Variants in MTR observed in about 807,000 individuals in gnomAD.
MTR encodes methionine synthase.
A neutral mutation model predicts 154.8 loss-of-function variants in MTR; 84 were observed. That is an observed-to-expected ratio of 0.54 (90% CI 0.45 to 0.65). The LOEUF (loss-of-function observed/expected upper bound fraction) is 0.65, where lower values mean the gene tolerates loss of function less well. MTR is among the 30% of genes least tolerant of loss of function. The pLI is 0.00. For synonymous variants in MTR, 554 were observed against 553.9 expected (o/e 1.00, Z 0.00); for missense variants, 1,275 against 1,570.2 (o/e 0.81, Z 3.18).
At chr1:236,861,927 A>G (rs1648492530) in intron 20 of MTR, among the ~76,000 whole-genome samples, 1 of 152,198 alleles carries the variant, frequency 6.6e-6, no homozygotes, top group African/African-American at 2.4e-5. Flanking sequence ...GTCCTGAAGG[A>G]TACATAGAAC....
intron 1 of MTR, among the ~76,000 whole-genome samples, chr1:236,796,221 C>T (rs941198249): frequency 9.9e-5 from 15 of 152,220 alleles, no homozygotes; most frequent in African/African-American, 2.9e-4. Flanking sequence ...ACGCACGCTG[C>T]TGCAAAACTG....
At chr1:236,881,159 TA>T (rs1665711999) in intron 25 of MTR, among the ~76,000 whole-genome samples, 1 of 152,162 alleles carries the variant, frequency 6.6e-6, no homozygotes, top group African/African-American at 2.4e-5. Flanking sequence ...CTTGACTGTC[TA>T]AAAGGAATGT....
Position 236,806,206 on chromosome 1 carries a change from C to A in MTR, c.312C>A (p.Ala104=). The A allele has an allele frequency of 2.5e-6, 4 of 1,614,034 alleles. No homozygotes were observed. The highest frequency in any genetic ancestry group is 3.4e-6 in the Non-Finnish European group (4 of 1,179,942). ...ATACTTTTAGCAGCACTAGTATTGC[C>A]CAAGCTGACTATGGCCTTGAACACT... The part of the protein sequence containing the change: ...ETNTFSSTSI[A]QADYGLEHLA... The change falls in exon 3 of 33, where the codon GCC becomes GCA. Residue 104 remains alanine (A), a synonymous_variant. Transcript: ENST00000366577.
In MTR at chr1:236,816,553, C is replaced by T. The variant is rs1661603349; in HGVS notation, c.764+10C>T. On this transcript the variant is annotated intron_variant, in intron 8 of 32. Transcript: ENST00000366577. ...ATGGAGAACCACTCTGGTGAGTGAT[C>T]CATCTTTCTGTAACTTCTTTTCTTT... 1 of 1,609,824 alleles carries T rather than the reference C, an allele frequency of 6.2e-7. No individual in the cohort carries two copies. The highest frequency in any genetic ancestry group is 1.7e-5 in the Admixed American group (1 of 59,978).
Position 236,894,741 on chromosome 1 carries a change from T to A in MTR, c.3405+184T>A. On this transcript the variant is annotated intron_variant, in intron 30 of 32. Coordinates refer to ENST00000366577, the MANE Select transcript of MTR (RefSeq NM_000254.3). ...ATATTATGTATCCCCAGATTGCTTG[T>A]GTACATTATCTTTGAGGCAAAGAAA... The A allele has an allele frequency of 4.7e-6, 3 of 643,278 alleles. No homozygotes were observed. In the African/African-American group the frequency reaches 5.5e-5, roughly 12 times the overall value. 39.8% of individuals were successfully genotyped at this position (643,278 alleles called of 1,614,324 possible).
intron 6 of MTR, among the ~76,000 whole-genome samples, chr1:236,813,717 C>G (rs1661437105): frequency 2.0e-5 from 3 of 151,984 alleles, no homozygotes; most frequent in Admixed American, 2.0e-4. Context: ...TGGACTTTGG[C>G]TTTTTAAAAT....
intron 15 of MTR, among the ~76,000 whole-genome samples, chr1:236,848,656 G>A (rs1663726510): frequency 6.6e-6 from 1 of 152,072 alleles, no homozygotes; most frequent in Non-Finnish European, 1.5e-5. Context: ...CTAAAGCCTG[G>A]GTGCAGTGAG....
chr1:236,841,785 C>T (rs1287222269), intron 15 of MTR, among the ~76,000 whole-genome samples: 1 of 152,106 alleles, frequency 6.6e-6, no homozygotes, highest in Non-Finnish European at 1.5e-5. Context: ...TTGGCAGTTG[C>T]ATGGGCATAG....
Position 236,886,387 on chromosome 1 carries a change from A to G in MTR, c.2851+20A>G. 6.2e-7 allele frequency: 1 copy of G among 1,610,968 alleles called. No homozygotes were observed. Among genetic ancestry groups the G allele is most frequent in the Non-Finnish European group, 8.5e-7 (1 of 1,177,134 alleles). ...ACCCAGGTCTGTTTGGCTATGGACT[A>G]GAGAAAGACTGGGTGTGGTAACTGA... On this transcript the variant is annotated intron_variant, in intron 27 of 32. Coordinates refer to ENST00000366577, the MANE Select transcript of MTR (RefSeq NM_000254.3).
In MTR at chr1:236,900,534, G is replaced by A. The variant is rs1666873806; in HGVS notation, c.*2890G>A. Reference sequence around the variant, plus strand: ...TATGCAGCTGTTCTGGTTCCTCCTGGTAGGCTTACAAGTGTTTACTATATG... The same window carrying A: ...TATGCAGCTGTTCTGGTTCCTCCTGATAGGCTTACAAGTGTTTACTATATG... On this transcript the variant is annotated 3_prime_UTR_variant, in exon 33 of 33. Transcript: ENST00000366577. 1 of 153,356 alleles carries A rather than the reference G, an allele frequency of 6.5e-6. No individual in the cohort carries two copies. Among genetic ancestry groups the A allele is most frequent in the Admixed American group, 6.5e-5 (1 of 15,450 alleles). The allele number at this position is 153,356 out of a possible 1,614,324, so 9.5% of individuals were successfully genotyped here.
At chr1:236,827,190 A>G (rs1572221403) in intron 11 of MTR, among the ~76,000 whole-genome samples, 1 of 152,192 alleles carries the variant, frequency 6.6e-6, no homozygotes, top group Admixed American at 6.5e-5. Context: ...ACAGGGAAGA[A>G]TAGCTATCTA....
intron 14 of MTR, among the ~76,000 whole-genome samples, chr1:236,836,887 T>A (rs1402591234): frequency 6.6e-6 from 1 of 152,170 alleles, no homozygotes; most frequent in Non-Finnish European, 1.5e-5. Flanking sequence ...ATCAAGTCAA[T>A]GGACTATTGA....
At chr1:236,866,081 A>T (rs1333617213) in intron 22 of MTR, among the ~76,000 whole-genome samples, 1 of 152,178 alleles carries the variant, frequency 6.6e-6, no homozygotes, top group Non-Finnish European at 1.5e-5. Context: ...ATAATGTCTA[A>T]TATTGACACA....
chr1:236,799,755 A>G (rs1459540555), intron 1 of MTR, among the ~76,000 whole-genome samples: 1 of 151,644 alleles, frequency 6.6e-6, no homozygotes. Context: ...TTCGTTTAAC[A>G]GAAATCCTTG....
chr1:236,810,511 A>AGGTTTGTG lies in MTR; in HGVS notation c.420_427dup (p.Ala143GlyfsTer119). The stretch of plus-strand genomic sequence containing the variant: ...TTTTTCTTTTCCCAAAGGAATTAAG[A>AGGTTTGTG]GGTTTGTGGCAGGGGCTCTGGGTCC... On this transcript the variant is annotated frameshift_variant, in exon 5 of 33. Coordinates refer to ENST00000366577, the MANE Select transcript of MTR (RefSeq NM_000254.3). LOFTEE classifies it high-confidence loss of function. 6.2e-7 allele frequency: 1 copy of AGGTTTGTG among 1,613,580 alleles called. No homozygotes were observed. Among genetic ancestry groups the AGGTTTGTG allele is most frequent in the Non-Finnish European group, 8.5e-7 (1 of 1,179,568 alleles).
chr1:236,854,687 G>A (rs946432639), intron 18 of MTR, among the ~76,000 whole-genome samples: 11 of 152,192 alleles, frequency 7.2e-5, no homozygotes, highest in South Asian at 6.2e-4. Flanking sequence ...TCTATCCAGA[G>A]GAGGCAGCCC....
At chr1:236,897,310 G>GCGCGCACGCACACA in intron 32 of MTR, among the ~76,000 whole-genome samples, 192 bp downstream of exon 32, 2 of 128,612 alleles carry the variant, frequency 1.6e-5, no homozygotes, top group Non-Finnish European at 3.4e-5. Context: ...CCACACACAC[G>GCGCGCACGCACACA]CACACACACA....
At position 236,795,336 on chromosome 1, in the gene MTR, A is replaced by G; in HGVS notation, c.-368A>G. On this transcript the variant is annotated 5_prime_UTR_variant, in exon 1 of 33. Coordinates refer to ENST00000366577, the MANE Select transcript of MTR (RefSeq NM_000254.3). ...AAGGTTCTAAATGTCTGCGGGGCTC[A>G]GAGCCGGATGTCACGTCGTCCTCCT... 7.7e-6 allele frequency: 10 copies of G among 1,305,308 alleles called. No individual in the cohort carries two copies. Among genetic ancestry groups the G allele is most frequent in the South Asian group, 3.9e-5 (3 of 77,234 alleles). 80.9% of individuals were successfully genotyped at this position (1,305,308 alleles called of 1,614,324 possible). A position where few individuals can be genotyped will look rare whatever the true frequency, so the allele number is the denominator to read the frequency against.
chr1:236,795,495 G>A lies in MTR; in HGVS notation c.-209G>A, dbSNP rs753570788. The stretch of plus-strand genomic sequence containing the variant: ...GAAAGCACGTGCTCCAGCAGTTGCC[G>A]CGCCCAGCCCCGAGAGAGGCCCTAG... On this transcript the variant is annotated 5_prime_UTR_variant, in exon 1 of 33. Transcript: ENST00000366577. The A allele has an allele frequency of 2.4e-5, 36 of 1,518,670 alleles. No individual in the cohort carries two copies. In the South Asian group the frequency reaches 4.2e-4, roughly 18 times the overall value. 94.1% of individuals were successfully genotyped at this position (1,518,670 alleles called of 1,614,324 possible). A position where few individuals can be genotyped will look rare whatever the true frequency, so the allele number is the denominator to read the frequency against.
Sources: allele counts gnomAD v4.1 joint callset (sites outside exome capture counted in the v4.1 genomes callset), GRCh38; gene constraint gnomAD v4.1.1; transcripts MANE v1.5; gene names NCBI Gene and HGNC (gene_info 2026-07-23, HGNC 2026-07-21).